Variants in RGP1 observed in about 807,000 individuals in gnomAD.
RGP1 encodes RAB6A-GEF complex partner protein 2.
Under a neutral mutation model 44.5 loss-of-function variants are expected in RGP1, and 28 were observed. That is an observed-to-expected ratio of 0.63 (90% confidence interval 0.47 to 0.86). The LOEUF (loss-of-function observed/expected upper bound fraction) is 0.86. Among genes scored for constraint, RGP1 ranks in the 40% least tolerant of loss-of-function variants. The pLI is 0.00. For missense variants in RGP1, 417 were observed against 490.7 expected (o/e 0.85, Z 1.42); for synonymous variants, 212 against 196.7 (o/e 1.08, Z -0.65).
chr9:35,752,317 C>T (rs1588036127), intron 8 of RGP1, among the ~76,000 whole-genome samples, 172 bp downstream of exon 8: 2 of 152,192 alleles, frequency 1.3e-5, no homozygotes, highest in African/African-American at 2.4e-5. Flanking sequence ...CTTAGATGCA[C>T]TGACCCCTAA....
rs1431584951 is a variant in RGP1, at chr9:35,752,169, G to T, written c.952+24G>T. 5 of 1,526,026 alleles carry T rather than the reference G, an allele frequency of 3.3e-6. No individual in the cohort carries two copies. The Admixed American group carries it at 1.1e-4, about 33-fold the overall frequency. 94.5% of individuals were successfully genotyped at this position (1,526,026 alleles called of 1,614,324 possible). ...TGGTGAGACCCTCACTGTTACTGGA[G>T]AAGGGAGAGGGGGACAGTAAAATGC... On this transcript the variant is annotated intron_variant, in intron 8 of 8. Transcript: ENST00000378078.
the RGP1 span, among the ~76,000 whole-genome samples, chr9:35,769,417 C>T: frequency 0.097 from 14,737 of 152,124 alleles, 813 homozygotes; most frequent in African/African-American, 0.14. Flanking sequence ...GTCTGTTATG[C>T]CATGTACTGT....
chr9:35,774,619 G>A, the RGP1 span, among the ~76,000 whole-genome samples: 1 of 152,164 alleles, frequency 6.6e-6, no homozygotes, highest in African/African-American at 2.4e-5. Flanking sequence ...AGCTACTGGG[G>A]AGGCTGAGGC....
rs761786150 is a variant in RGP1, at chr9:35,751,983, C to T, written c.790C>T (p.Arg264Cys). The change falls in exon 8 of 9, where the codon CGT (arginine) becomes TGT (cysteine). Residue 264 changes from arginine to cysteine, a missense_variant. Transcript: ENST00000378078. ...TTCAGTCAGCTTACAGACCGAGGAG[C>T]GTGTACAGCCTGAGTACCAGCGGCG... ...QFSVSLQTEE[R>C]VQPEYQRRRG... is the part of the protein sequence containing the mutation. The T allele has an allele frequency of 1.8e-5, 29 of 1,588,566 alleles. No individual in the cohort carries two copies. The highest frequency in any genetic ancestry group is 6.7e-5 in the East Asian group (3 of 44,766).
At chr9:35,781,983 G>GTTTTTTT in the RGP1 span, among the ~76,000 whole-genome samples, 1 of 90,654 alleles carries the variant, frequency 1.1e-5, no homozygotes, top group Non-Finnish European at 2.2e-5. Context: ...TATTTCTCTC[G>GTTTTTTT]TTTTTTTTTT....
chr9:35,790,084 G>C, the RGP1 span: 2 of 151,976 alleles, frequency 1.3e-5, no homozygotes, highest in Admixed American at 1.3e-4. Flanking sequence ...TGGTTGACTT[G>C]GTCTAAAGTA....
chr9:35,773,264 G>T, the RGP1 span, among the ~76,000 whole-genome samples: 1 of 151,902 alleles, frequency 6.6e-6, no homozygotes, highest in Non-Finnish European at 1.5e-5. Flanking sequence ...GGTGGTGAAT[G>T]CCTATAATCC....
the RGP1 span, among the ~76,000 whole-genome samples, chr9:35,778,317 A>C: frequency 4.6e-5 from 7 of 152,180 alleles, no homozygotes; most frequent in Non-Finnish European, 8.8e-5. Context: ...AAAGGTATAC[A>C]AAATGATAGA....
chr9:35,773,077 CA>C, the RGP1 span, among the ~76,000 whole-genome samples: 1 of 152,038 alleles, frequency 6.6e-6, no homozygotes, highest in South Asian at 2.1e-4. Flanking sequence ...CTTCTTATTG[CA>C]AAAGTAATAC....
At position 35,750,289 on chromosome 9, in the gene RGP1, G is replaced by A. The variant is rs1489839744; in HGVS notation, c.163G>A (p.Ala55Thr). The A allele has an allele frequency of 6.2e-7, 1 of 1,613,922 alleles. No individual in the cohort carries two copies. The highest frequency in any genetic ancestry group is 2.2e-5 in the East Asian group (1 of 44,884). The change falls in exon 3 of 9, where the codon GCC becomes ACC. Residue 55 changes from alanine (A) to threonine (T), a missense_variant. Coordinates refer to ENST00000378078, the MANE Select transcript of RGP1 (RefSeq NM_001080496.3). ...ASAQIHCQFH[A>T]SESRVALPPP... ...TGCCCAAATCCACTGCCAGTTCCATGCCAGTGAGAGTCGAGTAGCACTGCC... is the reference window on the plus strand; with the variant it reads ...TGCCCAAATCCACTGCCAGTTCCATACCAGTGAGAGTCGAGTAGCACTGCC...
chr9:35,751,621 C>T lies in RGP1; in HGVS notation c.635-6C>T. 3 of 1,613,904 alleles carry T rather than the reference C, an allele frequency of 1.9e-6. No individual in the cohort carries two copies. The highest frequency in any genetic ancestry group is 4.5e-5 in the East Asian group (2 of 44,886). ...CTCCAGGCTTATAGTGTCCTATTCTCCCCAGATCTATACAATATCAGTGAT... is the reference window on the plus strand; with the variant it reads ...CTCCAGGCTTATAGTGTCCTATTCTTCCCAGATCTATACAATATCAGTGAT... On this transcript the variant is annotated splice_region_variant and splice_polypyrimidine_tract_variant and intron_variant, in intron 6 of 8. Transcript: ENST00000378078.
chr9:35,789,498 T>C, the RGP1 span, among the ~76,000 whole-genome samples: 4 of 152,278 alleles, frequency 2.6e-5, no homozygotes, highest in South Asian at 6.2e-4. Context: ...TTATAGGCAT[T>C]ACAGGCAAGA....
At chr9:35,760,457 C>T (rs997787448), downstream of RGP1, among the ~76,000 whole-genome samples, 5 of 152,156 alleles carry the variant, frequency 3.3e-5, no homozygotes, top group African/African-American at 1.2e-4. Context: ...GCCAAATGTT[C>T]CTGGAAGACA....
the RGP1 span, among the ~76,000 whole-genome samples, chr9:35,784,251 T>G: frequency 6.6e-6 from 1 of 152,220 alleles, no homozygotes; most frequent in African/African-American, 2.4e-5. Context: ...TTTTGTTGAC[T>G]GTCTCCTTTG....
rs761786150 is a variant in RGP1, at chr9:35,751,983, C to G, written c.790C>G (p.Arg264Gly). The change falls in exon 8 of 9, where the codon CGT becomes GGT. Residue 264 changes from arginine to glycine, a missense_variant. Arg to Gly is a moderately radical substitution (Grantham distance 125). Transcript: ENST00000378078. Reference protein sequence around the residue: ...QFSVSLQTEERVQPEYQRRRG... With the variant: ...QFSVSLQTEEGVQPEYQRRRG... Reference sequence around the variant, plus strand: ...TTCAGTCAGCTTACAGACCGAGGAGCGTGTACAGCCTGAGTACCAGCGGCG... The same window carrying G: ...TTCAGTCAGCTTACAGACCGAGGAGGGTGTACAGCCTGAGTACCAGCGGCG... 1.3e-6 allele frequency: 2 copies of G among 1,588,686 alleles called. No individual in the cohort carries two copies. Among genetic ancestry groups the G allele is most frequent in the South Asian group, 1.2e-5 (1 of 86,520 alleles).
At chr9:35,777,487 T>TTA in the RGP1 span, among the ~76,000 whole-genome samples, 5 of 151,044 alleles carry the variant, frequency 3.3e-5, no homozygotes, top group Admixed American at 1.3e-4. Context: ...TTATTTATTT[T>TTA]TATATATATA....
chr9:35,782,474 T>C, the RGP1 span, among the ~76,000 whole-genome samples: 1 of 152,200 alleles, frequency 6.6e-6, no homozygotes, highest in African/African-American at 2.4e-5. Flanking sequence ...TGAGACGGAG[T>C]CTCGCTCTGT....
chr9:35,750,336 A>T lies in RGP1; in HGVS notation c.210A>T (p.Pro70=), dbSNP rs758359818. 6.2e-7 allele frequency: 1 copy of T among 1,613,984 alleles called. No homozygotes were observed. Among genetic ancestry groups the T allele is most frequent in the Non-Finnish European group, 8.5e-7 (1 of 1,179,886 alleles). Residue 70 remains proline, a synonymous_variant, in exon 3 of 9, where the codon CCA becomes CCT. Coordinates refer to ENST00000378078, the MANE Select transcript of RGP1 (RefSeq NM_001080496.3). ...VALPPPDSSQ[P]DVQPDSQTVF... ...TGCCTCCTCCTGACTCTAGTCAGCC[A>T]GATGTCCAGCCCGACAGCCAGACTG...
the RGP1 span, among the ~76,000 whole-genome samples, chr9:35,782,699 G>A: frequency 6.5e-4 from 99 of 152,190 alleles, no homozygotes; most frequent in African/African-American, 2.2e-3. Flanking sequence ...ACCCTCCTTG[G>A]CCTCCCAAAG....
Sources: gnomAD v4.1 joint callset for allele counts (sites outside exome capture counted in the v4.1 genomes callset) on GRCh38, gnomAD v4.1.1 for gene constraint, MANE v1.5 for transcripts, NCBI Gene and HGNC (gene_info 2026-07-23, HGNC 2026-07-21) for gene names.